The following CADPS variants were observed in gnomAD, a reference collection of about 807,000 sequenced individuals.
The protein encoded by CADPS is calcium dependent secretion activator.
In CADPS, 57 loss-of-function variants were observed where a neutral mutation model predicts 167.3. That is an observed-to-expected ratio of 0.34 (90% CI 0.28 to 0.42). The LOEUF (loss-of-function observed/expected upper bound fraction) is 0.42. Ranked by LOEUF, CADPS falls within the 20% of genes least tolerant of loss-of-function variation. CADPS has a pLI of 1.00. For missense variants in CADPS, 1,414 were observed against 1,738.1 expected (o/e 0.81, Z 3.32); for synonymous variants, 676 against 635.3 (o/e 1.06, Z -0.96).
intron 1 of CADPS, among the ~76,000 whole-genome samples, chr3:62,809,490 T>G (rs2094289528): frequency 6.6e-6 from 1 of 152,198 alleles, no homozygotes; most frequent in Non-Finnish European, 1.5e-5. Context: ...CCAGGAATAC[T>G]CATTCCTCTT....
At chr3:62,782,569 C>T (rs1054869911) in intron 1 of CADPS, among the ~76,000 whole-genome samples, 2 of 152,096 alleles carry the variant, frequency 1.3e-5, no homozygotes, top group Non-Finnish European at 1.5e-5. Flanking sequence ...GGCAAAATGG[C>T]TTCATGAGTC....
intron 28 of CADPS, among the ~76,000 whole-genome samples, chr3:62,407,328 C>G (rs1430474358): frequency 1.3e-5 from 2 of 152,192 alleles, no homozygotes; most frequent in Non-Finnish European, 2.9e-5. Context: ...ACACAAGTAG[C>G]CCCTTAACCA....
chr3:62,516,296 G>T, intron 15 of CADPS, 114 bp from the exon 16 acceptor site: 1 of 1,338,398 alleles, frequency 7.5e-7, no homozygotes, highest in South Asian at 1.4e-5. Context: ...TAATAAGATT[G>T]AGAGCCATGC....
rs548965735 is a variant in CADPS at position 62,606,278 on chromosome 3, G to C, written c.1326-13530C>G. 2.6e-5 allele frequency among the ~76,000 whole-genome samples: 4 copies of C among 152,278 alleles called. No homozygotes were observed. In the East Asian group the frequency reaches 7.7e-4, roughly 29 times the overall value. On this transcript the variant is annotated intron_variant, in intron 6 of 29. Coordinates refer to ENST00000383710, the MANE Select transcript of CADPS (RefSeq NM_003716.4). ...TAATCTCCAATATGACAGTATTGAGGAGTGGGGCTTTTAAGAGGTGATTGG... is the reference window on the plus strand; with the variant it reads ...TAATCTCCAATATGACAGTATTGAGCAGTGGGGCTTTTAAGAGGTGATTGG...
chr3:62,827,825 C>G (rs915015691), intron 1 of CADPS, among the ~76,000 whole-genome samples: 1 of 152,158 alleles, frequency 6.6e-6, no homozygotes, highest in African/African-American at 2.4e-5. Context: ...AGCTTTGTCT[C>G]TCTTTGCCAC....
chr3:62,511,731 A>G (rs2067875542), intron 17 of CADPS, among the ~76,000 whole-genome samples: 1 of 152,032 alleles, frequency 6.6e-6, no homozygotes, highest in African/African-American at 2.4e-5. Context: ...CCTTTTACAC[A>G]TAACTCTACC....
Position 62,665,846 on chromosome 3 carries a change from T to C in CADPS, c.889-3452A>G, listed in dbSNP as rs138811634. Among the ~76,000 whole-genome samples, 120 of 152,308 alleles carry C rather than the reference T, an allele frequency of 7.9e-4. 2 individuals carry two copies. In the East Asian group the frequency reaches 0.023, roughly 29 times the overall value. The stretch of plus-strand genomic sequence containing the variant: ...CTTCTCATCTAAATAATCAGGTTAA[T>C]GAGACCTGAGGTTGTCATGAGAATC... On this transcript the variant is annotated intron_variant, in intron 3 of 29. Transcript: ENST00000383710.
At chr3:62,581,376 AT>A (rs1364121905) in intron 8 of CADPS, among the ~76,000 whole-genome samples, 1 of 152,060 alleles carries the variant, frequency 6.6e-6, no homozygotes, top group Non-Finnish European at 1.5e-5. Flanking sequence ...CAAGAAAAAA[AT>A]AAATTTTAAC....
intron 6 of CADPS, among the ~76,000 whole-genome samples, chr3:62,637,098 C>T (rs72874448): frequency 2.0e-5 from 3 of 152,114 alleles, no homozygotes; most frequent in African/African-American, 7.2e-5. Context: ...ATACTATTTC[C>T]TGAGAGGTTA....
chr3:62,747,028 G>A (rs1488675116), intron 3 of CADPS, among the ~76,000 whole-genome samples: 10 of 152,182 alleles, frequency 6.6e-5, no homozygotes, highest in African/African-American at 2.4e-4. Flanking sequence ...TGAACAAAGA[G>A]GACAATTAGT....
At position 62,446,473 on chromosome 3, in the gene CADPS, T is replaced by A. The variant is rs1022776727; in HGVS notation, c.3637-676A>T. Among the ~76,000 whole-genome samples, 2 of 152,154 alleles carry A rather than the reference T, an allele frequency of 1.3e-5. No homozygotes were observed. Among genetic ancestry groups the A allele is most frequent in the African/African-American group, 4.8e-5 (2 of 41,426 alleles). On this transcript the variant is annotated intron_variant, in intron 26 of 29. Coordinates refer to ENST00000383710, the MANE Select transcript of CADPS (RefSeq NM_003716.4). This position sits in a 1 kb window ranked among gnomAD's most constrained non-coding sequence, Gnocchi z 4.9. ...AGAGCATGAAGTTTGGAGTCAGATC[T>A]CAGTTCGAATCCCAACTCTACCACT...
At chr3:62,500,604 G>A (rs1305463472) in intron 17 of CADPS, 1 of 152,136 alleles carries the variant, frequency 6.6e-6, no homozygotes, top group South Asian at 2.1e-4. Flanking sequence ...ACATCATTTA[G>A]TAGAATTCCC....
intron 17 of CADPS, among the ~76,000 whole-genome samples, chr3:62,508,396 T>C (rs998961010): frequency 2.6e-5 from 4 of 152,220 alleles, no homozygotes; most frequent in African/African-American, 7.2e-5. Context: ...AAGCACTTTA[T>C]AGTGTAGAAG....
chr3:62,404,775 A>ATTTTTTTTTT (rs35095820), intron 28 of CADPS: 1 of 99,724 alleles, frequency 1.0e-5, no homozygotes. Context: ...TAGGAAGTAG[A>ATTTTTTTTTT]TTTTTTTTTT....
At chr3:62,769,463 T>G (rs990302510) in intron 1 of CADPS, among the ~76,000 whole-genome samples, 2 of 152,008 alleles carry the variant, frequency 1.3e-5, no homozygotes, top group African/African-American at 4.8e-5. Context: ...AACTCCTGAC[T>G]TCAGGTGATC....
intron 6 of CADPS, among the ~76,000 whole-genome samples, chr3:62,636,295 C>T (rs1193864555): frequency 1.3e-5 from 2 of 152,142 alleles, no homozygotes; most frequent in Non-Finnish European, 2.9e-5. Flanking sequence ...TTGTATCACC[C>T]CAAAGCTTTT....
chr3:62,711,333 C>G (rs115764539), intron 3 of CADPS, among the ~76,000 whole-genome samples: 1 of 152,080 alleles, frequency 6.6e-6, no homozygotes, highest in South Asian at 2.1e-4. Context: ...ATTGTTAACA[C>G]GATATAAATG....
At chr3:62,784,114 C>T (rs1646182895) in intron 1 of CADPS, among the ~76,000 whole-genome samples, 1 of 152,124 alleles carries the variant, frequency 6.6e-6, no homozygotes, top group African/African-American at 2.4e-5. Context: ...CTATCAAAGA[C>T]TGCTGGGATT....
At chr3:62,578,848 G>T (rs780331983) in intron 8 of CADPS, among the ~76,000 whole-genome samples, 1 of 152,062 alleles carries the variant, frequency 6.6e-6, no homozygotes, top group African/African-American at 2.4e-5. Flanking sequence ...AAGTCAACAA[G>T]GGAGATAAAA....
Sources: gnomAD v4.1 joint callset for allele counts (sites outside exome capture counted in the v4.1 genomes callset) on GRCh38, gnomAD v4.1.1 for gene constraint, Gnocchi (gnomAD v3.1) non-coding constraint, MANE v1.5 for transcripts, NCBI Gene and HGNC (gene_info 2026-07-23, HGNC 2026-07-21) for gene names.